RBFOX3: variants seen among roughly 807,000 people sequenced by gnomAD.
RBFOX3 encodes the protein RNA binding protein fox-1 homolog 3.
In RBFOX3, 17 loss-of-function variants were observed where a neutral mutation model predicts 48.7. That is an observed-to-expected ratio of 0.35 (90% CI 0.24 to 0.52). The LOEUF is 0.52. Ranked by LOEUF, RBFOX3 falls within the 20% of genes least tolerant of loss-of-function variation. The probability of loss-of-function intolerance (pLI) is 0.94; values close to 1 mark genes in which losing one functional copy is unlikely to be tolerated. For missense variants in RBFOX3, 382 were observed against 497.5 expected (o/e 0.77, Z 2.21); for synonymous variants, 212 against 209.5 (o/e 1.01, Z -0.10).
intron 3 of RBFOX3, among the ~76,000 whole-genome samples, chr17:79,293,564 TG>T (rs922561222): frequency 1.3e-5 from 2 of 151,998 alleles, no homozygotes; most frequent in Admixed American, 6.5e-5. Context: ...GTGATTCTCC[TG>T]CCTCAGCCTC....
intron 3 of RBFOX3, among the ~76,000 whole-genome samples, chr17:79,303,458 G>A (rs987153065): frequency 1.3e-5 from 2 of 151,996 alleles, no homozygotes; most frequent in South Asian, 2.1e-4. Context: ...CCTCAGGTGC[G>A]GAGCCTGCAG....
At chr17:79,398,654 C>T (rs1338070344) in intron 2 of RBFOX3, among the ~76,000 whole-genome samples, 3 of 152,210 alleles carry the variant, frequency 2.0e-5, no homozygotes, top group Non-Finnish European at 4.4e-5. Flanking sequence ...GGCGACGATG[C>T]GGCTCCCACG....
chr17:79,276,375 G>A (rs1330811998), intron 3 of RBFOX3, among the ~76,000 whole-genome samples: 1 of 152,208 alleles, frequency 6.6e-6, no homozygotes, highest in Non-Finnish European at 1.5e-5. Flanking sequence ...TCTCAATAAA[G>A]CTGCTTTTTT....
rs374882200 is a variant in RBFOX3, at chr17:79,120,472, T to C, written c.-33-4724A>G. Among the ~76,000 whole-genome samples, 62 of 150,712 alleles carry C rather than the reference T, an allele frequency of 4.1e-4. No individual in the cohort carries two copies. In the East Asian group the frequency reaches 8.4e-3, roughly 20 times the overall value. On this transcript the variant is annotated intron_variant, in intron 4 of 14. Coordinates refer to ENST00000693108, the MANE Select transcript of RBFOX3 (RefSeq NM_001350451.2). ...GTAGATGGATGAGTGAATGGATGGA[T>C]GGAAGGGTGGATAAATGGGTGGATG... is the stretch of plus-strand genomic sequence containing the variant.
At position 79,358,054 on chromosome 17, in the gene RBFOX3, C is replaced by T. The variant is rs190359943; in HGVS notation, c.-174-50230G>A. Among the ~76,000 whole-genome samples, 774 of 152,204 alleles carry T rather than the reference C, an allele frequency of 5.1e-3. 3 individuals are homozygous for T. The highest frequency in any genetic ancestry group is 8.5e-3 in the Non-Finnish European group (577 of 68,018). On this transcript the variant is annotated intron_variant, in intron 2 of 14. Transcript: ENST00000693108. Reference sequence around the variant, plus strand: ...CCTGGGCTCCTGGGCTCAAGCAACCCTCCTGTCTCAGCCTCCCAAGTGGCT... The same window carrying T: ...CCTGGGCTCCTGGGCTCAAGCAACCTTCCTGTCTCAGCCTCCCAAGTGGCT...
At chr17:79,514,842 A>T (rs2085015035) in intron 1 of RBFOX3, among the ~76,000 whole-genome samples, 1 of 152,230 alleles carries the variant, frequency 6.6e-6, no homozygotes, top group Non-Finnish European at 1.5e-5. Context: ...GCACTGTGAA[A>T]TGGAACCGTG....
intron 1 of RBFOX3, among the ~76,000 whole-genome samples, chr17:79,483,557 A>G (rs1260249436): frequency 7.0e-6 from 1 of 142,184 alleles, no homozygotes; most frequent in Non-Finnish European, 1.5e-5. Flanking sequence ...CAGCATCCCT[A>G]TGGCATTTCC....
chr17:79,648,630 G>A, the RBFOX3 span, among the ~76,000 whole-genome samples: 6 of 152,222 alleles, frequency 3.9e-5, no homozygotes, highest in African/African-American at 9.7e-5. Context: ...GGGCCGATGG[G>A]GGCATGGCAG....
chr17:79,213,553 C>T (rs1307701757), intron 4 of RBFOX3, among the ~76,000 whole-genome samples: 1 of 152,210 alleles, frequency 6.6e-6, no homozygotes, highest in East Asian at 1.9e-4. Flanking sequence ...AGAGGCTCCT[C>T]CCCCAGGGTC....
At chr17:79,600,333 G>A (rs2093677073) in intron 1 of RBFOX3, 2 of 152,114 alleles carry the variant, frequency 1.3e-5, no homozygotes, top group Non-Finnish European at 2.9e-5. Context: ...GCATGCCTGT[G>A]TGCACACTCT....
chr17:79,216,407 T>C (rs2059053011), intron 4 of RBFOX3, among the ~76,000 whole-genome samples: 1 of 151,142 alleles, frequency 6.6e-6, no homozygotes, highest in South Asian at 2.1e-4. Context: ...TGGGACCACC[T>C]GGAGGGCCTG....
the RBFOX3 span, among the ~76,000 whole-genome samples, chr17:79,620,285 G>A: frequency 1.5e-4 from 19 of 126,834 alleles, no homozygotes; most frequent in Admixed American, 8.8e-4. Flanking sequence ...ACGCATATGC[G>A]CACACACGCA....
intron 2 of RBFOX3, among the ~76,000 whole-genome samples, chr17:79,350,822 GTC>G (rs2083787349): frequency 1.3e-5 from 2 of 152,188 alleles, no homozygotes; most frequent in African/African-American, 4.8e-5. Context: ...GGGAAAGAAG[GTC>G]TCTCTGAGCT....
At chr17:79,213,101 C>A (rs897999880) in intron 4 of RBFOX3, among the ~76,000 whole-genome samples, 2 of 152,174 alleles carry the variant, frequency 1.3e-5, no homozygotes, top group Non-Finnish European at 2.9e-5. Context: ...AAGTGATCTG[C>A]CCGCCTTGGC....
chr17:79,540,694 G>C (rs1396870421), intron 1 of RBFOX3, among the ~76,000 whole-genome samples: 1 of 152,254 alleles, frequency 6.6e-6, no homozygotes, highest in Non-Finnish European at 1.5e-5. Flanking sequence ...CTCGGGCCTG[G>C]AGCCGGTGTG....
At chr17:79,228,440 T>C (rs1600117822) in intron 4 of RBFOX3, among the ~76,000 whole-genome samples, 1 of 152,132 alleles carries the variant, frequency 6.6e-6, no homozygotes, top group Non-Finnish European at 1.5e-5. Context: ...GACTTGGGGT[T>C]TTCATACTTC....
intron 4 of RBFOX3, among the ~76,000 whole-genome samples, chr17:79,138,622 T>C (rs371860938): frequency 1.9e-4 from 14 of 74,834 alleles, no homozygotes; most frequent in African/African-American, 6.1e-4. Flanking sequence ...ACATAGCACG[T>C]GTTCACACCT....
At chr17:79,161,280 C>T (rs1210510986) in intron 4 of RBFOX3, among the ~76,000 whole-genome samples, 1 of 152,140 alleles carries the variant, frequency 6.6e-6, no homozygotes, top group Non-Finnish European at 1.5e-5. Context: ...AGTCGCAGAG[C>T]CCAGGGGACA....
intron 2 of RBFOX3, among the ~76,000 whole-genome samples, chr17:79,359,850 T>A (rs959151611): frequency 6.6e-6 from 1 of 151,976 alleles, no homozygotes; most frequent in African/African-American, 2.4e-5. Flanking sequence ...CTCAGCCTCC[T>A]GAGCAGCAAG....
Sources: allele counts gnomAD v4.1 joint callset (sites outside exome capture counted in the v4.1 genomes callset), GRCh38; gene constraint gnomAD v4.1.1; transcripts MANE v1.5; gene names NCBI Gene and HGNC (gene_info 2026-07-23, HGNC 2026-07-21).